The following EPB41 variants were observed in gnomAD, a reference collection of about 807,000 sequenced individuals.
The protein encoded by EPB41 is protein 4.1.
EPB41 carries 65 observed loss-of-function variants against 108.0 expected under a neutral mutation model. The ratio of observed to expected loss-of-function variants is 0.60; its 90% CI spans 0.49 to 0.74. The LOEUF is 0.74. Ranked by LOEUF, EPB41 falls within the 30% of genes least tolerant of loss-of-function variation. The probability of loss-of-function intolerance (pLI) is 0.00; values close to 1 mark genes in which losing one functional copy is unlikely to be tolerated. For missense variants in EPB41, 875 were observed against 1,037.0 expected, an observed-to-expected ratio of 0.84 and a Z score of 2.15; for synonymous variants, 336 against 358.9, an observed-to-expected ratio of 0.94 and a Z score of 0.72.
intron 9 of EPB41, 25 bp from the exon 10 acceptor site, chr1:29,035,801 C>G: frequency 6.5e-7 from 1 of 1,543,762 alleles, no homozygotes. Flanking sequence ...TACTTCATGT[C>G]CCATGTTTAT....
intron 18 of EPB41, among the ~76,000 whole-genome samples, chr1:29,111,017 A>C (rs1322214501): frequency 6.6e-6 from 1 of 152,104 alleles, no homozygotes; most frequent in East Asian, 1.9e-4. Context: ...AAAAATAAAA[A>C]TTAGCCGAGC....
At chr1:28,909,938 G>T (rs1385499706), upstream of EPB41, among the ~76,000 whole-genome samples, 1 of 151,528 alleles carries the variant, frequency 6.6e-6, no homozygotes, top group East Asian at 2.0e-4. Context: ...TAAAAAATTT[G>T]GTGGACATGA....
At chr1:28,960,024 G>T (rs1392925454) in intron 1 of EPB41, among the ~76,000 whole-genome samples, 1 of 139,798 alleles carries the variant, frequency 7.2e-6, no homozygotes, top group East Asian at 2.1e-4. Flanking sequence ...TTTTGAGACA[G>T]GATCTCACTC....
chr1:28,970,464 C>T (rs967536823), intron 1 of EPB41, among the ~76,000 whole-genome samples: 3 of 152,162 alleles, frequency 2.0e-5, no homozygotes, highest in African/African-American at 7.2e-5. Context: ...ACTAAAACCC[C>T]TTTGTAGCTA....
In EPB41 at chr1:29,112,488, TG is replaced by T. The variant is rs765883961; in HGVS notation, c.2496+43del. 25 of 1,561,862 alleles carry T rather than the reference TG, an allele frequency of 1.6e-5. No homozygotes were observed. In the African/African-American group the frequency reaches 3.4e-4, roughly 21 times the overall value. On this transcript the variant is annotated intron_variant, in intron 19 of 20. Transcript: ENST00000343067. ...GAGATCTGGGCCTGGGAGGGGTCCC[TG>T]GGCAGGAAGACCGATGAATACAGGA...
chr1:28,992,898 AG>A (rs2096062978), intron 2 of EPB41, among the ~76,000 whole-genome samples: 1 of 152,258 alleles, frequency 6.6e-6, no homozygotes, highest in Admixed American at 6.5e-5. Flanking sequence ...CATTTCTCTT[AG>A]AATTAAAATT....
chr1:29,036,008 G>C, intron 10 of EPB41, 85 bp downstream of exon 10: 1 of 985,304 alleles, frequency 1.0e-6, no homozygotes, highest in Non-Finnish European at 1.6e-6. Flanking sequence ...TCCTTTCATT[G>C]TATGACTGGC....
intron 10 of EPB41, 94 bp downstream of exon 10, chr1:29,036,017 G>A (rs958908787): frequency 9.9e-6 from 9 of 910,938 alleles, no homozygotes; most frequent in Admixed American, 2.0e-5. Flanking sequence ...TGTATGACTG[G>A]CACTCTTTTA....
chr1:29,093,723 G>A (rs990563459), intron 16 of EPB41, among the ~76,000 whole-genome samples: 2 of 152,058 alleles, frequency 1.3e-5, no homozygotes, highest in African/African-American at 4.8e-5. Flanking sequence ...TGACCAACAT[G>A]GTGAAACTCC....
chr1:28,920,280 A>G (rs375653453), intron 1 of EPB41, among the ~76,000 whole-genome samples: 3 of 152,348 alleles, frequency 2.0e-5, no homozygotes, highest in South Asian at 2.1e-4. Context: ...AGAGACAGGA[A>G]CACCTCCATC....
rs35536525 is a variant in EPB41, at chr1:29,110,182, C to CAAA, written c.2415+756_2415+758dup. ...GAAACCTCATCTGTACAAAAAAATA[C>CAAA]AAAAAAAAAAAAATGTGCTGGGCAT... On this transcript the variant is annotated intron_variant, in intron 18 of 20. Coordinates refer to ENST00000343067, the MANE Select transcript of EPB41 (RefSeq NM_001376013.1). Among the ~76,000 whole-genome samples, 463 of 145,338 alleles carry CAAA rather than the reference C, an allele frequency of 3.2e-3. 3 individuals are homozygous for CAAA. Among genetic ancestry groups the CAAA allele is most frequent in the African/African-American group, 0.011 (447 of 39,464 alleles).
intron 1 of EPB41, among the ~76,000 whole-genome samples, chr1:28,986,739 G>A (rs1328819749): frequency 6.6e-6 from 1 of 151,760 alleles, no homozygotes; most frequent in Non-Finnish European, 1.5e-5. Context: ...AGACCTGCCT[G>A]GGCAATATAG....
chr1:29,109,456 C>T lies in EPB41; in HGVS notation c.2415+19C>T, dbSNP rs764115583. 1.1e-5 allele frequency: 18 copies of T among 1,605,230 alleles called. No individual in the cohort carries two copies. The highest frequency in any genetic ancestry group is 1.1e-5 in the Non-Finnish European group (13 of 1,172,100). ...TACCAAGGTAACAGACCAGCTAGAACCTCTTTATGGAACCCAGGGGCAGGC... is the reference window on the plus strand; with the variant it reads ...TACCAAGGTAACAGACCAGCTAGAATCTCTTTATGGAACCCAGGGGCAGGC... On this transcript the variant is annotated intron_variant, in intron 18 of 20. Transcript: ENST00000343067.
At chr1:29,074,986 G>C (rs1002572902) in intron 16 of EPB41, among the ~76,000 whole-genome samples, 2 of 151,526 alleles carry the variant, frequency 1.3e-5, no homozygotes, top group Non-Finnish European at 2.9e-5. Flanking sequence ...GTGAAACTCC[G>C]TCTCTACTAA....
At chr1:29,020,173 A>G (rs1572572191) in intron 7 of EPB41, among the ~76,000 whole-genome samples, 2 of 151,798 alleles carry the variant, frequency 1.3e-5, no homozygotes, top group South Asian at 2.1e-4. Flanking sequence ...GGTTCAAGCA[A>G]TTCTCTGCCT....
Position 28,926,468 on chromosome 1 carries a change from C to A in EPB41, c.-8+11700C>A, listed in dbSNP as rs186343493. On this transcript the variant is annotated intron_variant, in intron 1 of 20. Transcript: ENST00000343067. ...TGTCCAAAGTTACACAACTAGCAAG[C>A]GAAAATTCGCTTCAAAGCCAGTATT... Among the ~76,000 whole-genome samples, 497 of 152,248 alleles carry A rather than the reference C, an allele frequency of 3.3e-3. 2 individuals carry two copies. The highest frequency in any genetic ancestry group is 9.3e-3 in the Admixed American group (142 of 15,284).
intron 4 of EPB41, among the ~76,000 whole-genome samples, chr1:29,009,632 C>T (rs1392681397): frequency 1.3e-5 from 2 of 152,162 alleles, no homozygotes; most frequent in Non-Finnish European, 2.9e-5. Context: ...TCATGAAACT[C>T]AGTTGGTGCT....
chr1:28,928,722 A>T (rs549501058), intron 1 of EPB41, among the ~76,000 whole-genome samples: 42 of 152,306 alleles, frequency 2.8e-4, no homozygotes, highest in African/African-American at 1.0e-3. Flanking sequence ...AGGCTGAGGA[A>T]AGTGGTGATA....
At chr1:29,040,803 A>G (rs1008996598) in intron 11 of EPB41, among the ~76,000 whole-genome samples, 3 of 152,160 alleles carry the variant, frequency 2.0e-5, no homozygotes, top group African/African-American at 7.2e-5. Context: ...AATAAGCTAC[A>G]TTCAGTTCCT....
Sources: allele counts gnomAD v4.1 joint callset (sites outside exome capture counted in the v4.1 genomes callset), GRCh38; gene constraint gnomAD v4.1.1; transcripts MANE v1.5; gene names NCBI Gene and HGNC (gene_info 2026-07-23, HGNC 2026-07-21).